PIK3AP1: variants seen among roughly 807,000 people sequenced by gnomAD.
PIK3AP1 encodes phosphoinositide-3-kinase adaptor protein 1, also known as phosphoinositide 3-kinase adapter protein 1.
A neutral mutation model predicts 88.1 loss-of-function variants in PIK3AP1; 21 were observed. The observed-to-expected ratio is 0.24, with a 90% confidence interval of 0.17 to 0.34. The LOEUF is 0.34. Ranked by LOEUF, PIK3AP1 falls within the 10% of genes least tolerant of loss-of-function variation. The probability of loss-of-function intolerance (pLI) is 1.00; values close to 1 mark genes in which losing one functional copy is unlikely to be tolerated. For synonymous variants in PIK3AP1, 398 were observed against 400.0 expected (o/e 1.00, Z 0.06); for missense variants, 828 against 1,035.7 (o/e 0.80, Z 2.75).
chr10:96,679,691 A>G (rs1843974275), intron 2 of PIK3AP1, among the ~76,000 whole-genome samples: 1 of 152,166 alleles, frequency 6.6e-6, no homozygotes, highest in African/African-American at 2.4e-5. Flanking sequence ...CCCAGCATTC[A>G]GGCAGGTTTG....
intron 2 of PIK3AP1, among the ~76,000 whole-genome samples, chr10:96,686,726 GGTTCCTGCAGAC>G (rs1844074006): frequency 6.6e-6 from 1 of 151,952 alleles, no homozygotes; most frequent in African/African-American, 2.4e-5. Flanking sequence ...AGCACAGTCA[GGTTCCTGCAGAC>G]TGCGTGTGCA....
At chr10:96,606,624 A>G (rs993368947) in intron 14 of PIK3AP1, among the ~76,000 whole-genome samples, 1 of 152,196 alleles carries the variant, frequency 6.6e-6, no homozygotes, top group African/African-American at 2.4e-5. Flanking sequence ...AGCTCCCATC[A>G]TCTTCACACT....
intron 2 of PIK3AP1, among the ~76,000 whole-genome samples, chr10:96,666,236 G>A (rs1843758992): frequency 6.6e-6 from 1 of 152,116 alleles, no homozygotes. Flanking sequence ...TGGCTAACAT[G>A]GTGAAACCCC....
chr10:96,702,645 CACAA>C (rs1844313469), intron 2 of PIK3AP1, among the ~76,000 whole-genome samples: 1 of 151,122 alleles, frequency 6.6e-6, no homozygotes, highest in Non-Finnish European at 1.5e-5. Context: ...CACACACACA[CACAA>C]TGGTAACTAT....
At chr10:96,677,626 C>CA (rs1554960887) in intron 2 of PIK3AP1, among the ~76,000 whole-genome samples, 4 of 146,412 alleles carry the variant, frequency 2.7e-5, no homozygotes, top group African/African-American at 1.0e-4. Context: ...CACACACACA[C>CA]AAAAGGCCTT....
At chr10:96,652,202 C>T (rs1183525039) in intron 4 of PIK3AP1, among the ~76,000 whole-genome samples, 1 of 152,024 alleles carries the variant, frequency 6.6e-6, no homozygotes, top group Non-Finnish European at 1.5e-5. Flanking sequence ...GGAAATGCGA[C>T]AACAGAGACC....
intron 2 of PIK3AP1, among the ~76,000 whole-genome samples, chr10:96,661,116 G>A (rs940832715): frequency 6.6e-6 from 1 of 152,084 alleles, no homozygotes. Context: ...TTGAACCTGG[G>A]AGGTGAAGGT....
At chr10:96,669,753 C>T (rs1476747453) in intron 2 of PIK3AP1, 1 of 152,190 alleles carries the variant, frequency 6.6e-6, no homozygotes, top group Admixed American at 6.6e-5. Context: ...GAGCAAGACC[C>T]TGTCTCAAAA....
At chr10:96,686,347 T>C (rs1358157062) in intron 2 of PIK3AP1, among the ~76,000 whole-genome samples, 1 of 152,108 alleles carries the variant, frequency 6.6e-6, no homozygotes, top group Non-Finnish European at 1.5e-5. Context: ...TCCCACAGAA[T>C]AATATGTGGG....
At chr10:96,636,620 A>T (rs931282335) in intron 8 of PIK3AP1, among the ~76,000 whole-genome samples, 2 of 152,226 alleles carry the variant, frequency 1.3e-5, no homozygotes, top group African/African-American at 4.8e-5. Context: ...AAGCACTTAA[A>T]CTTCATGACT....
chr10:96,703,551 C>G (rs898344568), intron 2 of PIK3AP1, among the ~76,000 whole-genome samples: 1 of 152,290 alleles, frequency 6.6e-6, no homozygotes, highest in East Asian at 1.9e-4. Context: ...CTTTCCCACA[C>G]AGTCTAACAG....
intron 2 of PIK3AP1, among the ~76,000 whole-genome samples, chr10:96,667,040 G>C (rs765894119): frequency 2.0e-5 from 3 of 152,220 alleles, no homozygotes; most frequent in Admixed American, 6.5e-5. Flanking sequence ...TCCGAGCAAT[G>C]CTGCCCTGGT....
At chr10:96,715,655 C>T (rs935209769) in intron 1 of PIK3AP1, among the ~76,000 whole-genome samples, 14 of 152,242 alleles carry the variant, frequency 9.2e-5, no homozygotes, top group Middle Eastern at 3.4e-3. Flanking sequence ...CTCTGGGAGG[C>T]CAAGGCGGGT....
chr10:96,709,986 G>A lies in PIK3AP1; in HGVS notation c.14-3C>T, dbSNP rs1844418991. 1 of 1,573,320 alleles carries A rather than the reference G, an allele frequency of 6.4e-7. No homozygotes were observed. The highest frequency in any genetic ancestry group is 1.7e-5 in the Admixed American group (1 of 57,352). On this transcript the variant is annotated splice_region_variant and splice_polypyrimidine_tract_variant and intron_variant, in intron 1 of 16. Transcript: ENST00000339364. ...GATGTCGCATCCTCTGGGCACCCCT[G>A]GACAAGAATGAGGCACAGAAGCATG...
chr10:96,604,041 T>C lies in PIK3AP1; in HGVS notation c.2179A>G (p.Ser727Gly), dbSNP rs997859870. 5 of 1,600,406 alleles carry C rather than the reference T, an allele frequency of 3.1e-6. No homozygotes were observed. Among genetic ancestry groups the C allele is most frequent in the Non-Finnish European group, 4.3e-6 (5 of 1,171,564 alleles). Residue 727 changes from serine to glycine, a missense_variant, in exon 15 of 17, where the codon AGT becomes GGT. Physicochemically the swap from Ser to Gly is moderately conservative, Grantham distance 56 (BLOSUM62 0). Transcript: ENST00000339364. Reference sequence around the variant, plus strand: ...AGGCTCCGGGTGCTGGAGCGGTTACTTGTGCTACCTAAAGGGTAGAAAGAA... The same window carrying C: ...AGGCTCCGGGTGCTGGAGCGGTTACCTGTGCTACCTAAAGGGTAGAAAGAA... ...DSTSSTASST[S>G]NRSSTRSLLS...
At chr10:96,657,247 G>A (rs551857333) in intron 2 of PIK3AP1, among the ~76,000 whole-genome samples, 1 of 152,296 alleles carries the variant, frequency 6.6e-6, no homozygotes, top group East Asian at 1.9e-4. Context: ...ACTTCCTGCA[G>A]GGATGAAGAG....
intron 7 of PIK3AP1, 127 bp downstream of exon 7, chr10:96,648,532 G>A: frequency 2.0e-6 from 2 of 1,014,336 alleles, no homozygotes; most frequent in Non-Finnish European, 2.8e-6. Context: ...CACACATACT[G>A]CCCATGGCCA....
At chr10:96,652,649 A>C (rs1426690538) in intron 4 of PIK3AP1, 49 bp downstream of exon 4, 1 of 1,595,604 alleles carries the variant, frequency 6.3e-7, no homozygotes, top group African/African-American at 1.3e-5. Flanking sequence ...ACAGCATAGC[A>C]AATAAGCAAT....
chr10:96,647,953 A>G (rs1009335644), intron 7 of PIK3AP1, among the ~76,000 whole-genome samples: 6 of 152,158 alleles, frequency 3.9e-5, no homozygotes, highest in Non-Finnish European at 7.4e-5. Context: ...GATCAGCCTC[A>G]AAGAAGGACC....
Sources: gnomAD v4.1 joint callset for allele counts (sites outside exome capture counted in the v4.1 genomes callset) on GRCh38, gnomAD v4.1.1 for gene constraint, MANE v1.5 for transcripts, NCBI Gene and HGNC (gene_info 2026-07-23, HGNC 2026-07-21) for gene names.